OSBPL9: variants seen among roughly 807,000 people sequenced by gnomAD.
OSBPL9 encodes oxysterol-binding protein-related protein 9.
In OSBPL9, 40 loss-of-function variants were observed where a neutral mutation model predicts 106.6. The observed-to-expected ratio is 0.38, with a 90% CI of 0.29 to 0.49. The LOEUF (loss-of-function observed/expected upper bound fraction) is 0.49, where lower values mean the gene tolerates loss of function less well. Among genes scored for constraint, OSBPL9 ranks in the 20% least tolerant of loss-of-function variants. The probability of loss-of-function intolerance (pLI) is 0.97; values close to 1 mark genes in which losing one functional copy is unlikely to be tolerated. For synonymous variants in OSBPL9, 269 were observed against 295.4 expected, an observed-to-expected ratio of 0.91 and a Z score of 0.92; for missense variants, 609 against 887.2, an observed-to-expected ratio of 0.69 and a Z score of 3.98.
chr1:51,545,735 A>C, the OSBPL9 span, among the ~76,000 whole-genome samples: 2 of 152,324 alleles, frequency 1.3e-5, no homozygotes, highest in East Asian at 3.9e-4. Context: ...TGATCATGCC[A>C]CTGTATTCCA....
intron 3 of OSBPL9, chr1:51,707,168 C>A: frequency 5.0e-6 from 2 of 398,220 alleles, no homozygotes; most frequent in East Asian, 8.0e-5. Flanking sequence ...CCATGAGGTC[C>A]ACCACCCTGT....
At position 51,617,238 on chromosome 1, in the gene OSBPL9, C is replaced by A; in HGVS notation, c.111+17C>A. The A allele has an allele frequency of 6.3e-7, 1 of 1,594,162 alleles. No individual in the cohort carries two copies. The highest frequency in any genetic ancestry group is 1.1e-5 in the South Asian group (1 of 88,906). On this transcript the variant is annotated intron_variant, in intron 1 of 23. Coordinates refer to ENST00000428468, the MANE Select transcript of OSBPL9 (RefSeq NM_024586.6). ...TACTACACGGTGAGTCCTTGGAGGG[C>A]ACAGCTCCAGGCGCCTCGGGGCCGC...
At chr1:51,705,711 G>T (rs1447119473) in intron 3 of OSBPL9, among the ~76,000 whole-genome samples, 1 of 151,900 alleles carries the variant, frequency 6.6e-6, no homozygotes, top group Admixed American at 6.6e-5. Context: ...CACCACGCCT[G>T]GCCCCAATAT....
At chr1:51,627,723 G>GT (rs60018130) in intron 1 of OSBPL9, among the ~76,000 whole-genome samples, 23,185 of 147,620 alleles carry the variant, frequency 0.16, 2,088 homozygotes, top group Middle Eastern at 0.32. Context: ...TCCTAATTCT[G>GT]TTTTTTTTTT....
At chr1:51,757,016 C>G (rs1670487762) in intron 9 of OSBPL9, 1 of 152,096 alleles carries the variant, frequency 6.6e-6, no homozygotes. Context: ...TGTGCTTACC[C>G]TAGTTTTATG....
intron 3 of OSBPL9, among the ~76,000 whole-genome samples, chr1:51,696,210 T>G (rs1384595383): frequency 6.6e-6 from 1 of 152,194 alleles, no homozygotes; most frequent in Non-Finnish European, 1.5e-5. Flanking sequence ...AAAGTGACAT[T>G]GTAGCGTAGC....
At chr1:51,673,376 T>C (rs1222490308) in intron 3 of OSBPL9, among the ~76,000 whole-genome samples, 3 of 152,216 alleles carry the variant, frequency 2.0e-5, no homozygotes, top group Admixed American at 1.3e-4. Context: ...ATGAGAAATA[T>C]AGCAGTAACC....
chr1:51,606,624 T>C (rs1643950077), intron 2 of OSBPL9, among the ~76,000 whole-genome samples: 1 of 152,236 alleles, frequency 6.6e-6, no homozygotes, highest in Non-Finnish European at 1.5e-5. Flanking sequence ...CACATGATTA[T>C]AAATGGCAAA....
the OSBPL9 span, among the ~76,000 whole-genome samples, chr1:51,548,216 T>G: frequency 2.0e-5 from 3 of 152,068 alleles, no homozygotes; most frequent in Admixed American, 6.6e-5. Flanking sequence ...ATGCAGGCAT[T>G]TTTTTCTTGT....
chr1:51,690,175 A>G (rs1040553304), intron 3 of OSBPL9, among the ~76,000 whole-genome samples: 2 of 152,238 alleles, frequency 1.3e-5, no homozygotes, highest in East Asian at 3.8e-4. Context: ...GGAAATATTT[A>G]CTGTAGGAGC....
At chr1:51,742,182 T>C (rs1667079314) in intron 4 of OSBPL9, among the ~76,000 whole-genome samples, 2 of 152,160 alleles carry the variant, frequency 1.3e-5, no homozygotes, top group Non-Finnish European at 2.9e-5. Flanking sequence ...GTTCCTGCCC[T>C]TGTGGAGTTT....
At chr1:51,699,749 C>T (rs1037848290) in intron 3 of OSBPL9, among the ~76,000 whole-genome samples, 4 of 152,082 alleles carry the variant, frequency 2.6e-5, no homozygotes, top group Non-Finnish European at 5.9e-5. Context: ...GTAGTTACTG[C>T]TTATAAAGTG....
intron 6 of OSBPL9, among the ~76,000 whole-genome samples, chr1:51,747,785 G>T (rs1476821254): frequency 2.0e-5 from 3 of 151,394 alleles, no homozygotes; most frequent in African/African-American, 7.3e-5. Context: ...AGAATTTTTT[G>T]TTGTTGTTTT....
chr1:51,629,927 C>T lies in OSBPL9; in HGVS notation c.111+12706C>T, dbSNP rs188606033. 1.1e-3 allele frequency among the ~76,000 whole-genome samples: 165 copies of T among 150,684 alleles called. 5 individuals carry two copies. Among genetic ancestry groups the T allele is most frequent in the Admixed American group, 7.6e-3 (114 of 15,018 alleles). On this transcript the variant is annotated intron_variant, in intron 1 of 23. Coordinates refer to ENST00000428468, the MANE Select transcript of OSBPL9 (RefSeq NM_024586.6). The stretch of plus-strand genomic sequence containing the variant: ...CTGTGCCACTGCACTCCAGCCTGGG[C>T]GACAGAGCCATATTCCATCTCAAAA...
chr1:51,754,105 G>A (rs1669842449), intron 8 of OSBPL9, among the ~76,000 whole-genome samples: 1 of 152,166 alleles, frequency 6.6e-6, no homozygotes, highest in South Asian at 2.1e-4. Context: ...AGGGGAGTAG[G>A]GCAGGACAGA....
chr1:51,547,784 G>A, the OSBPL9 span, among the ~76,000 whole-genome samples: 6 of 152,100 alleles, frequency 3.9e-5, no homozygotes, highest in East Asian at 1.9e-4. Context: ...CCAGGAGGTC[G>A]AAGCTGCAGG....
At chr1:51,639,024 G>A (rs984517559) in intron 1 of OSBPL9, among the ~76,000 whole-genome samples, 1 of 151,620 alleles carries the variant, frequency 6.6e-6, no homozygotes, top group Non-Finnish European at 1.5e-5. Context: ...GTGTATCTTC[G>A]TAGAATTTTG....
intron 2 of OSBPL9, 29 bp downstream of exon 2, chr1:51,652,070 C>A: frequency 1.3e-6 from 2 of 1,518,534 alleles, no homozygotes; most frequent in South Asian, 2.4e-5. Flanking sequence ...TTATGAAAAT[C>A]AATTTTGACA....
chr1:51,726,416 C>T (rs745796983), intron 4 of OSBPL9, among the ~76,000 whole-genome samples: 7 of 151,926 alleles, frequency 4.6e-5, no homozygotes, highest in Non-Finnish European at 1.0e-4. Context: ...ATTTTTTCTT[C>T]TTTTTTTTCT....
Sources: allele counts gnomAD v4.1 joint callset (sites outside exome capture counted in the v4.1 genomes callset), GRCh38; gene constraint gnomAD v4.1.1; transcripts MANE v1.5; gene names NCBI Gene and HGNC (gene_info 2026-07-23, HGNC 2026-07-21).